Variants in SYNE1 observed in about 807,000 individuals in gnomAD.
The protein encoded by SYNE1 is spectrin repeat containing nuclear envelope protein 1.
SYNE1 carries 616 observed loss-of-function variants against 1,111.0 expected under a neutral mutation model. The ratio of observed to expected loss-of-function variants is 0.55; its 90% CI spans 0.52 to 0.59. The LOEUF (loss-of-function observed/expected upper bound fraction) is 0.59. SYNE1 is among the 20% of genes least tolerant of loss of function. SYNE1 has a pLI of 0.00. For missense variants in SYNE1, 10,006 were observed against 10,417.0 expected (o/e 0.96, Z 1.72); for synonymous variants, 3,855 against 3,825.8 (o/e 1.01, Z -0.28).
chr6:152,324,934 ATAACT>A, intron 81 of SYNE1, 145 bp downstream of exon 81: 1 of 925,342 alleles, frequency 1.1e-6, no homozygotes. Flanking sequence ...ACTTTGTTTC[ATAACT>A]TAATTTTTAT....
intron 127 of SYNE1, among the ~76,000 whole-genome samples, chr6:152,190,833 T>C (rs949023719): frequency 1.9e-4 from 29 of 152,336 alleles, no homozygotes; most frequent in Non-Finnish European, 2.5e-4. Flanking sequence ...GTGGTGAAAG[T>C]GGACATCCTT....
chr6:152,504,367 T>C (rs1297404963), intron 9 of SYNE1, among the ~76,000 whole-genome samples: 2 of 152,150 alleles, frequency 1.3e-5, no homozygotes, highest in African/African-American at 2.4e-5. Context: ...CACAAGTCTA[T>C]CCTCTTTGTT....
chr6:152,548,708 C>T (rs1474493236), intron 3 of SYNE1, among the ~76,000 whole-genome samples: 1 of 152,170 alleles, frequency 6.6e-6, no homozygotes, highest in African/African-American at 2.4e-5. Context: ...AGAAAACAAA[C>T]AGTAGTGACC....
At chr6:152,486,810 A>T (rs2098943224) in intron 12 of SYNE1, among the ~76,000 whole-genome samples, 1 of 152,234 alleles carries the variant, frequency 6.6e-6, no homozygotes, top group Non-Finnish European at 1.5e-5. Context: ...TTAAAGATAC[A>T]ATTATATAAA....
chr6:152,581,045 T>C (rs1344221303), intron 3 of SYNE1, among the ~76,000 whole-genome samples: 1 of 152,180 alleles, frequency 6.6e-6, no homozygotes, highest in African/African-American at 2.4e-5. Flanking sequence ...AGTCTCTACT[T>C]TGTAAACTTC....
chr6:152,123,314 A>G (rs1199594899), intron 145 of SYNE1, among the ~76,000 whole-genome samples: 2 of 152,216 alleles, frequency 1.3e-5, no homozygotes, highest in Non-Finnish European at 2.9e-5. Context: ...GAGTCTGTCT[A>G]CAGAACACTG....
At chr6:152,247,855 A>AAC (rs10592346) in intron 105 of SYNE1, among the ~76,000 whole-genome samples, 4,289 of 89,774 alleles carry the variant, frequency 0.048, 84 homozygotes, top group Middle Eastern at 0.079. Flanking sequence ...GGTGTTCTTT[A>AAC]ACACACACAC....
rs776733924 is a variant in SYNE1 at position 152,211,563 on chromosome 6, C to T, written c.22520G>A (p.Arg7507His). The change falls in exon 124 of 146, where the codon CGT becomes CAT. Residue 7507 changes from arginine to histidine, a missense_variant. By Grantham distance (29) the Arg-to-His change is conservative. Around this residue, in one of 7 missense-constraint regions of SYNE1, gnomAD observed 2,182 missense variants for 2,287.8 expected, o/e 0.95. Transcript: ENST00000367255. ...HELFQAEMFSRQQILHSIIID... is the reference protein window; with the variant it reads ...HELFQAEMFSHQQILHSIIID... Reference sequence around the variant, plus strand: ...AATGATTGAGTGCAAAATCTGCTGACGACTGAACATCTCGGCTTGAAACAA... The same window carrying T: ...AATGATTGAGTGCAAAATCTGCTGATGACTGAACATCTCGGCTTGAAACAA... 20 of 1,613,580 alleles carry T rather than the reference C, an allele frequency of 1.2e-5. No individual in the cohort carries two copies. Among genetic ancestry groups the T allele is most frequent in the Admixed American group, 8.3e-5 (5 of 59,984 alleles).
intron 108 of SYNE1, among the ~76,000 whole-genome samples, chr6:152,238,132 C>T (rs2084659342): frequency 6.6e-6 from 1 of 151,868 alleles, no homozygotes. Context: ...AGTTCTTGTG[C>T]TGTGGAAGAA....
chr6:152,189,617 T>C (rs774104802), intron 127 of SYNE1, among the ~76,000 whole-genome samples: 1 of 152,190 alleles, frequency 6.6e-6, no homozygotes, highest in Non-Finnish European at 1.5e-5. Flanking sequence ...GAGTCACAAA[T>C]TTTTTGGTTT....
rs199595574 is a variant in SYNE1, at chr6:152,442,171, C to T, written c.3912G>A (p.Gly1304=). The T allele has an allele frequency of 6.2e-7, 1 of 1,613,822 alleles. No individual in the cohort carries two copies. The highest frequency in any genetic ancestry group is 8.5e-7 in the Non-Finnish European group (1 of 1,180,046). ...QQIAQAQQGE[G]GLPDRGHEEL... Reference sequence around the variant, plus strand: ...CCTCGTGGCCTCGGTCAGGCAGCCCCCCTTCTCCCTGCTGCGCCTGCGCGA... The same window carrying T: ...CCTCGTGGCCTCGGTCAGGCAGCCCTCCTTCTCCCTGCTGCGCCTGCGCGA... The change falls in exon 31 of 146, where the codon GGG becomes GGA. Residue 1304 remains glycine, a synonymous_variant. Transcript: ENST00000367255.
chr6:152,164,245 T>A lies in SYNE1; in HGVS notation c.23708A>T (p.His7903Leu), dbSNP rs886044047. ...TGGCTTGGCCAGCTCTGACTCGATG[T>A]GAGCGAGCCAGGTCCTCAGGCTGCT... ...NMSSLRTWLA[H>L]IESELAKPIV... Residue 7903 changes from histidine (H) to leucine (L), a missense_variant, in exon 131 of 146, where the codon CAC becomes CTC. Transcript: ENST00000367255. 1.2e-6 allele frequency: 2 copies of A among 1,614,222 alleles called. No individual in the cohort carries two copies. Among genetic ancestry groups the A allele is most frequent in the Admixed American group, 1.7e-5 (1 of 60,026 alleles).
chr6:152,135,049 T>G, intron 142 of SYNE1, 55 bp downstream of exon 142: 1 of 1,612,872 alleles, frequency 6.2e-7, no homozygotes, highest in Non-Finnish European at 8.5e-7. Context: ...TTTCTGTAAA[T>G]GAAATGCAAC....
chr6:152,444,691 T>C (rs781283157), intron 29 of SYNE1, 113 bp from the exon 30 acceptor site: 2 of 925,190 alleles, frequency 2.2e-6, no homozygotes, highest in Non-Finnish European at 3.2e-6. Flanking sequence ...ATTTAAGGTG[T>C]ACTACGTGAC....
intron 11 of SYNE1, among the ~76,000 whole-genome samples, chr6:152,489,276 C>T (rs558167192): frequency 6.6e-6 from 1 of 152,216 alleles, no homozygotes; most frequent in African/African-American, 2.4e-5. Context: ...GATTTTTCGG[C>T]ATTTACAAAA....
chr6:152,329,755 A>T lies in SYNE1; in HGVS notation c.14930T>A (p.Ile4977Asn), dbSNP rs2096200158. ...LAELSELDGD[I>N]QEALRTRQAT... is the part of the protein sequence containing the mutation. ...CTGTCTGGTGCGTAAGGCTTCCTGG[A>T]TGTCTCCATCCAGCTCTGAGAGCTC... The change falls in exon 78 of 146, where the codon ATC becomes AAC. Residue 4977 changes from isoleucine (I) to asparagine (N), a missense_variant. This residue lies in a region of SYNE1 where 4,955 missense variants were observed against 5,017.2 expected (regional missense o/e 0.99). Coordinates refer to ENST00000367255, the MANE Select transcript of SYNE1 (RefSeq NM_182961.4). 3 of 1,614,098 alleles carry T rather than the reference A, an allele frequency of 1.9e-6. No individual in the cohort carries two copies. Among genetic ancestry groups the T allele is most frequent in the Non-Finnish European group, 1.7e-6 (2 of 1,180,050 alleles).
At chr6:152,411,042 C>T (rs2098027036) in intron 42 of SYNE1, among the ~76,000 whole-genome samples, 1 of 152,138 alleles carries the variant, frequency 6.6e-6, no homozygotes, top group African/African-American at 2.4e-5. Context: ...CAGAAATAGT[C>T]TACATTATAT....
chr6:152,629,723 G>A (rs1301380482), intron 2 of SYNE1, among the ~76,000 whole-genome samples: 2 of 152,102 alleles, frequency 1.3e-5, no homozygotes, highest in Non-Finnish European at 2.9e-5. Context: ...TGCACCAAGA[G>A]AAAGAAACGG....
intron 65 of SYNE1, 59 bp downstream of exon 65, chr6:152,359,256 G>A: frequency 3.1e-6 from 5 of 1,607,882 alleles, no homozygotes; most frequent in Non-Finnish European, 4.3e-6. Flanking sequence ...GTCTTTAAAG[G>A]AGCACAGCTC....
Sources: allele counts gnomAD v4.1 joint callset (sites outside exome capture counted in the v4.1 genomes callset), GRCh38; gene constraint gnomAD v4.1.1; regional missense constraint gnomAD v4.1.1; transcripts MANE v1.5; gene names NCBI Gene and HGNC (gene_info 2026-07-23, HGNC 2026-07-21).